Variants in PRKN observed in about 807,000 individuals in gnomAD.
The protein encoded by PRKN is parkin RBR E3 ubiquitin protein ligase.
Under a neutral mutation model 59.5 loss-of-function variants are expected in PRKN, and 56 were observed. The observed-to-expected ratio is 0.94, with a 90% CI of 0.76 to 1.18. The LOEUF (loss-of-function observed/expected upper bound fraction) is 1.18. Among genes scored for constraint, PRKN ranks in the 50% most tolerant of loss-of-function variants. The pLI, the probability that PRKN is intolerant of heterozygous loss-of-function variation, is 0.00. For synonymous variants in PRKN, 250 were observed against 222.1 expected (o/e 1.13, Z -1.12); for missense variants, 657 against 596.4 (o/e 1.10, Z -1.06).
chr6:161,996,202 G>A (rs1212889344), intron 5 of PRKN, among the ~76,000 whole-genome samples: 2 of 151,498 alleles, frequency 1.3e-5, no homozygotes, highest in Non-Finnish European at 2.9e-5. Context: ...ACATACACAC[G>A]AGTACTAATC....
chr6:161,610,617 A>T (rs190049037), intron 7 of PRKN, among the ~76,000 whole-genome samples: 322 of 152,082 alleles, frequency 2.1e-3, no homozygotes, highest in African/African-American at 7.4e-3. Context: ...CAAACAACCC[A>T]GGATGTTGTG....
chr6:161,663,337 T>A (rs1784615138), intron 7 of PRKN, among the ~76,000 whole-genome samples: 1 of 152,186 alleles, frequency 6.6e-6, no homozygotes, highest in Non-Finnish European at 1.5e-5. Flanking sequence ...CTCTGACCAC[T>A]CTGTGTCTTT....
chr6:161,733,770 GAAAA>G (rs71544915), intron 7 of PRKN, among the ~76,000 whole-genome samples: 1,230 of 102,406 alleles, frequency 0.012, 33 homozygotes, highest in African/African-American at 0.05. Flanking sequence ...CCCAGGGGGT[GAAAA>G]AAAAAAAAAA....
intron 7 of PRKN, among the ~76,000 whole-genome samples, chr6:161,613,695 A>T (rs1782569616): frequency 6.6e-6 from 1 of 152,116 alleles, no homozygotes; most frequent in Non-Finnish European, 1.5e-5. Flanking sequence ...TGAAGGTAAG[A>T]CCCTCTCCCA....
chr6:161,590,306 T>A (rs1240765756), intron 7 of PRKN, among the ~76,000 whole-genome samples: 7 of 152,028 alleles, frequency 4.6e-5, no homozygotes, highest in Non-Finnish European at 1.0e-4. Flanking sequence ...TTGCCAAAAA[T>A]GCATAACTTG....
At chr6:161,764,686 T>C (rs1007776439) in intron 7 of PRKN, among the ~76,000 whole-genome samples, 1 of 152,222 alleles carries the variant, frequency 6.6e-6, no homozygotes, top group Non-Finnish European at 1.5e-5. Flanking sequence ...GAATAATTAA[T>C]ATTTGCAATT....
intron 4 of PRKN, among the ~76,000 whole-genome samples, chr6:162,168,643 T>C (rs1783107717): frequency 7.5e-6 from 1 of 133,286 alleles, no homozygotes; most frequent in South Asian, 2.5e-4. Context: ...GTGTCAACAA[T>C]AGTGAGATTT....
chr6:162,615,145 T>TTTA (rs1198998883), intron 1 of PRKN, among the ~76,000 whole-genome samples: 2 of 152,178 alleles, frequency 1.3e-5, no homozygotes, highest in Non-Finnish European at 2.9e-5. Flanking sequence ...TGTCTCCAAG[T>TTTA]TTATTGTGCT....
intron 5 of PRKN, 70 bp downstream of exon 5, chr6:162,054,021 T>A: frequency 9.8e-7 from 1 of 1,019,074 alleles, no homozygotes; most frequent in Non-Finnish European, 1.6e-6. Flanking sequence ...TTGTCTCTAA[T>A]TTCCTGGCAA....
chr6:162,634,760 A>G (rs1777646189), intron 1 of PRKN, among the ~76,000 whole-genome samples: 1 of 152,114 alleles, frequency 6.6e-6, no homozygotes, highest in Admixed American at 6.5e-5. Flanking sequence ...AGTAGCTGGG[A>G]CTAAAGGCAC....
rs927632647 is a variant in PRKN at position 161,456,038 on chromosome 6, G to A, written c.1084-69161C>T. Among the ~76,000 whole-genome samples, 4 of 152,088 alleles carry A rather than the reference G, an allele frequency of 2.6e-5. No homozygotes were observed. Among genetic ancestry groups the A allele is most frequent in the Non-Finnish European group, 5.9e-5 (4 of 68,026 alleles). On this transcript the variant is annotated intron_variant, in intron 9 of 11. Transcript: ENST00000366898. This position sits in a 1 kb window ranked among gnomAD's most constrained non-coding sequence, Gnocchi z 4.8. The stretch of plus-strand genomic sequence containing the variant: ...GAAAAAATGTTTTCCTAAGGAGAAC[G>A]TTGGCCTCTAGGGGAAGCAAAGGGC...
At position 161,838,216 on chromosome 6, in the gene PRKN, T is replaced by C. The variant is rs571278840; in HGVS notation, c.735-52308A>G. Among the ~76,000 whole-genome samples, 32 of 152,338 alleles carry C rather than the reference T, an allele frequency of 2.1e-4. No individual in the cohort carries two copies. The South Asian group carries it at 6.2e-3, about 30-fold the overall frequency. On this transcript the variant is annotated intron_variant, in intron 6 of 11. Coordinates refer to ENST00000366898, the MANE Select transcript of PRKN (RefSeq NM_004562.3). ...TATGGTTTAAGTATTATTACAATATTTACTAGAAAATTAAATAACTTGTAG... is the reference window on the plus strand; with the variant it reads ...TATGGTTTAAGTATTATTACAATATCTACTAGAAAATTAAATAACTTGTAG...
intron 3 of PRKN, among the ~76,000 whole-genome samples, chr6:162,245,022 C>T (rs1779142687): frequency 6.6e-6 from 1 of 152,026 alleles, no homozygotes; most frequent in Non-Finnish European, 1.5e-5. Context: ...TTGTATCTCT[C>T]TGGTGATGTA....
chr6:161,818,540 C>T (rs1242483971), intron 6 of PRKN, among the ~76,000 whole-genome samples: 1 of 151,862 alleles, frequency 6.6e-6, no homozygotes, highest in Non-Finnish European at 1.5e-5. Context: ...TGCTATGTTG[C>T]CCAGGCTGAT....
intron 6 of PRKN, among the ~76,000 whole-genome samples, chr6:161,891,429 A>C (rs1795339452): frequency 6.6e-6 from 1 of 152,136 alleles, no homozygotes; most frequent in Admixed American, 6.5e-5. Context: ...TACTTCCTTC[A>C]ATTTCGTATT....
At position 161,362,516 on chromosome 6, in the gene PRKN, A is replaced by G. The variant is rs1785016011; in HGVS notation, c.1168-2311T>C. Among the ~76,000 whole-genome samples the G allele has an allele frequency of 6.6e-6, 1 of 152,200 alleles. No individual in the cohort carries two copies. Among genetic ancestry groups the G allele is most frequent in the Non-Finnish European group, 1.5e-5 (1 of 68,050 alleles). On this transcript the variant is annotated intron_variant, in intron 10 of 11. Coordinates refer to ENST00000366898, the MANE Select transcript of PRKN (RefSeq NM_004562.3). The surrounding 1 kb of genome is among the most constrained non-coding windows in gnomAD (Gnocchi z 5.2). ...TCTCAGTGGAGGAAGCCAGGGCAAA[A>G]GCCCGCCCTGAAGAGATAATTGACA...
chr6:161,786,602 A>T (rs572437189), intron 6 of PRKN, among the ~76,000 whole-genome samples: 4 of 152,142 alleles, frequency 2.6e-5, no homozygotes, highest in Non-Finnish European at 4.4e-5. Context: ...AAGAAAATAA[A>T]ATTCCTTGGT....
At chr6:162,427,186 C>G (rs545590109) in intron 2 of PRKN, among the ~76,000 whole-genome samples, 59 of 152,268 alleles carry the variant, frequency 3.9e-4, no homozygotes, top group African/African-American at 1.4e-3. Flanking sequence ...ATTTAAAAGT[C>G]TGAAAATATT....
intron 9 of PRKN, among the ~76,000 whole-genome samples, chr6:161,436,463 G>C (rs1270611152): frequency 2.0e-5 from 3 of 151,576 alleles, no homozygotes; most frequent in Admixed American, 6.6e-5. Context: ...ACTTTTTTGG[G>C]GGGGGGTGGG....
Sources: gnomAD v4.1 joint callset for allele counts (sites outside exome capture counted in the v4.1 genomes callset) on GRCh38, gnomAD v4.1.1 for gene constraint, Gnocchi (gnomAD v3.1) non-coding constraint, MANE v1.5 for transcripts, NCBI Gene and HGNC (gene_info 2026-07-23, HGNC 2026-07-21) for gene names.